Variants in RAP1GAP2 observed in about 807,000 individuals in gnomAD.
RAP1GAP2 encodes RAP1 GTPase activating protein 2.
RAP1GAP2 carries 27 observed loss-of-function variants against 95.0 expected under a neutral mutation model. The observed-to-expected ratio is 0.28, with a 90% CI of 0.21 to 0.39. RAP1GAP2 has a LOEUF of 0.39. Ranked by LOEUF, RAP1GAP2 falls within the 10% of genes least tolerant of loss-of-function variation. The pLI is 1.00. For missense variants in RAP1GAP2, 771 were observed against 970.0 expected (o/e 0.79, Z 2.72); for synonymous variants, 373 against 380.9 (o/e 0.98, Z 0.24).
At chr17:2,997,949 A>C (rs1315369367) in intron 13 of RAP1GAP2, among the ~76,000 whole-genome samples, 1 of 151,184 alleles carries the variant, frequency 6.6e-6, no homozygotes, top group Non-Finnish European at 1.5e-5. Flanking sequence ...GAAAAAAAAA[A>C]GATTGAAAGA....
rs145254633 is a variant in RAP1GAP2, at chr17:3,028,007, C to G, written c.2107+937C>G. Reference sequence around the variant, plus strand: ...GGTGGGCACTGCTGGGCGGGTGCTCCGGGTCTCTGCCCTCGTGAGGGCAGC... The same window carrying G: ...GGTGGGCACTGCTGGGCGGGTGCTCGGGGTCTCTGCCCTCGTGAGGGCAGC... On this transcript the variant is annotated intron_variant, in intron 22 of 24. Coordinates refer to ENST00000254695, the MANE Select transcript of RAP1GAP2 (RefSeq NM_015085.5). Among the ~76,000 whole-genome samples, 9 of 152,090 alleles carry G rather than the reference C, an allele frequency of 5.9e-5. No individual in the cohort carries two copies. The East Asian group carries it at 1.7e-3, about 29-fold the overall frequency.
intron 2 of RAP1GAP2, among the ~76,000 whole-genome samples, chr17:2,829,731 G>A (rs1384936466): frequency 6.6e-6 from 1 of 152,118 alleles, no homozygotes; most frequent in Non-Finnish European, 1.5e-5. Flanking sequence ...GCTGTCGGAT[G>A]TCAGAGTTAG....
intron 3 of RAP1GAP2, among the ~76,000 whole-genome samples, chr17:2,927,833 G>A (rs191680257): frequency 1.4e-4 from 22 of 152,324 alleles, no homozygotes; most frequent in East Asian, 9.7e-4. Context: ...GTGGGATTCC[G>A]TAGTTCTGGG....
chr17:3,028,348 A>G (rs948088577), intron 22 of RAP1GAP2, among the ~76,000 whole-genome samples: 38 of 151,882 alleles, frequency 2.5e-4, no homozygotes, highest in Non-Finnish European at 4.3e-4. Flanking sequence ...TAATTTTCAC[A>G]ATTTTGGAGG....
chr17:2,882,796 C>T (rs538041872), intron 2 of RAP1GAP2, among the ~76,000 whole-genome samples: 4 of 152,050 alleles, frequency 2.6e-5, no homozygotes, highest in Admixed American at 6.6e-5. Flanking sequence ...AGGGAGGTGG[C>T]GAGGACTTTG....
At chr17:3,007,507 T>C (rs1156764539) in intron 16 of RAP1GAP2, among the ~76,000 whole-genome samples, 1 of 152,144 alleles carries the variant, frequency 6.6e-6, no homozygotes, top group Non-Finnish European at 1.5e-5. Flanking sequence ...GTGGGATTGA[T>C]TGTAGGGTGA....
At chr17:2,912,947 G>A (rs2042439020) in intron 3 of RAP1GAP2, among the ~76,000 whole-genome samples, 1 of 152,150 alleles carries the variant, frequency 6.6e-6, no homozygotes, top group Non-Finnish European at 1.5e-5. Context: ...GGAGGCTGAG[G>A]CAGGAGGATC....
chr17:2,834,980 C>T (rs8082623), intron 2 of RAP1GAP2, among the ~76,000 whole-genome samples: 80,153 of 151,484 alleles, frequency 0.53, 21,395 homozygotes, highest in Admixed American at 0.59. Flanking sequence ...AGTGCAGTGG[C>T]GTGATCTCTC....
rs2072780146 is a variant in RAP1GAP2 at position 2,870,076 on chromosome 17, C to A, written c.81-35208C>A. 6.6e-6 allele frequency among the ~76,000 whole-genome samples: 1 copy of A among 151,450 alleles called. No homozygotes were observed. The highest frequency in any genetic ancestry group is 1.5e-5 in the Non-Finnish European group (1 of 67,974). ...ATGGCCCCTGACCCCGGCATGGCCTCAGAACCTTCCTCAGAGTGCACTCTG... is the reference window on the plus strand; with the variant it reads ...ATGGCCCCTGACCCCGGCATGGCCTAAGAACCTTCCTCAGAGTGCACTCTG... On this transcript the variant is annotated intron_variant, in intron 2 of 24. Coordinates refer to ENST00000254695, the MANE Select transcript of RAP1GAP2 (RefSeq NM_015085.5). The surrounding 1 kb of genome is among the most constrained non-coding windows in gnomAD (Gnocchi z 4.4).
chr17:3,004,247 C>T lies in RAP1GAP2; in HGVS notation c.1201-1122C>T, dbSNP rs896683136. Reference sequence around the variant, plus strand: ...ACGCGCACCATTTCCTGACTCGGGGCACTGCAGTTTGGGCTGGGCAGACAG... The same window carrying T: ...ACGCGCACCATTTCCTGACTCGGGGTACTGCAGTTTGGGCTGGGCAGACAG... On this transcript the variant is annotated intron_variant, in intron 14 of 24. Transcript: ENST00000254695. This position sits in a 1 kb window ranked among gnomAD's most constrained non-coding sequence, Gnocchi z 4.1. Among the ~76,000 whole-genome samples the T allele has an allele frequency of 1.3e-5, 2 of 152,250 alleles. No individual in the cohort carries two copies. Among genetic ancestry groups the T allele is most frequent in the African/African-American group, 4.8e-5 (2 of 41,466 alleles).
intron 3 of RAP1GAP2, among the ~76,000 whole-genome samples, chr17:2,941,474 T>C (rs1269554816): frequency 1.3e-5 from 2 of 151,970 alleles, no homozygotes; most frequent in Non-Finnish European, 2.9e-5. Flanking sequence ...GTGGCTGTTC[T>C]GTGGGGAACT....
intron 8 of RAP1GAP2, among the ~76,000 whole-genome samples, chr17:2,966,277 T>A (rs2044595650): frequency 6.6e-6 from 1 of 152,230 alleles, no homozygotes; most frequent in African/African-American, 2.4e-5. Flanking sequence ...TGGCTGAGAC[T>A]TGGTCCCTGT....
chr17:2,825,305 T>C lies in RAP1GAP2; in HGVS notation c.80+24755T>C, dbSNP rs1220256146. On this transcript the variant is annotated intron_variant, in intron 2 of 24. Coordinates refer to ENST00000254695, the MANE Select transcript of RAP1GAP2 (RefSeq NM_015085.5). This position sits in a 1 kb window ranked among gnomAD's most constrained non-coding sequence, Gnocchi z 4.1. ...CTGTCTCCGCAGGGTTGTTTTTGGCTCATGATTTGGGCAAGAGGAGGGAGA... is the reference window on the plus strand; with the variant it reads ...CTGTCTCCGCAGGGTTGTTTTTGGCCCATGATTTGGGCAAGAGGAGGGAGA... Among the ~76,000 whole-genome samples, 1 of 152,078 alleles carries C rather than the reference T, an allele frequency of 6.6e-6. No individual in the cohort carries two copies. Among genetic ancestry groups the C allele is most frequent in the Non-Finnish European group, 1.5e-5 (1 of 68,004 alleles).
chr17:3,036,321 GCA>G lies in RAP1GAP2; in HGVS notation c.*2961_*2962del, dbSNP rs2047464686. 2 of 152,220 alleles carry G rather than the reference GCA, an allele frequency of 1.3e-5. No individual in the cohort carries two copies. Among genetic ancestry groups the G allele is most frequent in the African/African-American group, 2.4e-5 (1 of 41,452 alleles). The allele number at this position is 152,220 out of a possible 1,614,324, so 9.4% of individuals were successfully genotyped here. On this transcript the variant is annotated 3_prime_UTR_variant, in exon 25 of 25. Coordinates refer to ENST00000254695, the MANE Select transcript of RAP1GAP2 (RefSeq NM_015085.5). ...CTTGAGGTCACACAGCTGGCTGTTGGCAAAGCTGGGATTAGAACCCTCAACCC... is the reference window on the plus strand; with the variant it reads ...CTTGAGGTCACACAGCTGGCTGTTGGAAGCTGGGATTAGAACCCTCAACCC...
At chr17:2,819,752 G>C (rs1242089450) in intron 2 of RAP1GAP2, among the ~76,000 whole-genome samples, 1 of 151,644 alleles carries the variant, frequency 6.6e-6, no homozygotes, top group African/African-American at 2.4e-5. Context: ...ACAGGCATGA[G>C]CCTCAGCGCC....
chr17:3,015,268 A>G (rs1338925153), intron 17 of RAP1GAP2, among the ~76,000 whole-genome samples: 3 of 152,086 alleles, frequency 2.0e-5, no homozygotes, highest in Non-Finnish European at 4.4e-5. Context: ...TGCCCGATCA[A>G]ATCAGGGGTA....
At chr17:2,809,067 T>C (rs187357987) in intron 2 of RAP1GAP2, among the ~76,000 whole-genome samples, 1 of 152,282 alleles carries the variant, frequency 6.6e-6, no homozygotes, top group Non-Finnish European at 1.5e-5. Context: ...GGAGGTACCA[T>C]TTGCCAGGCG....
chr17:2,970,541 C>G (rs1297401004), intron 8 of RAP1GAP2, among the ~76,000 whole-genome samples: 1 of 152,146 alleles, frequency 6.6e-6, no homozygotes, highest in African/African-American at 2.4e-5. Flanking sequence ...TCCAAAGCCT[C>G]TTCAGTAGAA....
chr17:2,817,984 C>T lies in RAP1GAP2; in HGVS notation c.80+17434C>T, dbSNP rs947083042. Reference sequence around the variant, plus strand: ...CCCGAGTAGCTGGGACTACAGGTGCCCACGACCACGCCTGGCTAATTTTTT... The same window carrying T: ...CCCGAGTAGCTGGGACTACAGGTGCTCACGACCACGCCTGGCTAATTTTTT... On this transcript the variant is annotated intron_variant, in intron 2 of 24. Transcript: ENST00000254695. 2.6e-5 allele frequency among the ~76,000 whole-genome samples: 4 copies of T among 151,066 alleles called. No homozygotes were observed. In the South Asian group the frequency reaches 8.4e-4, roughly 32 times the overall value.
Sources: gnomAD v4.1 joint callset for allele counts (sites outside exome capture counted in the v4.1 genomes callset) on GRCh38, gnomAD v4.1.1 for gene constraint, Gnocchi (gnomAD v3.1) non-coding constraint, MANE v1.5 for transcripts, NCBI Gene and HGNC (gene_info 2026-07-23, HGNC 2026-07-21) for gene names.